EPB41L1: variants seen among roughly 807,000 people sequenced by gnomAD.
The protein encoded by EPB41L1 is erythrocyte membrane protein band 4.1 like 1.
Under a neutral mutation model 97.8 loss-of-function variants are expected in EPB41L1, and 29 were observed. That is an observed-to-expected ratio of 0.30 (90% CI 0.22 to 0.40). The LOEUF is 0.40. EPB41L1 is among the 10% of genes least tolerant of loss of function. EPB41L1 has a pLI of 1.00. For synonymous variants in EPB41L1, 383 were observed against 459.2 expected (o/e 0.83, Z 2.12); for missense variants, 812 against 1,162.3 (o/e 0.70, Z 4.38).
chr20:36,188,221 A>G (rs2061766247), intron 8 of EPB41L1, 126 bp from the exon 9 acceptor site: 1 of 1,273,982 alleles, frequency 7.8e-7, no homozygotes, highest in Admixed American at 1.7e-5. Flanking sequence ...TCCAGCATGG[A>G]GGCTCTAACC....
chr20:36,116,173 A>G (rs1191388362), intron 2 of EPB41L1, among the ~76,000 whole-genome samples: 2 of 152,200 alleles, frequency 1.3e-5, no homozygotes, highest in Non-Finnish European at 2.9e-5. Flanking sequence ...TGGAGTTTAG[A>G]GGAGAGAGGT....
intron 1 of EPB41L1, among the ~76,000 whole-genome samples, chr20:36,109,029 C>T (rs2058297405): frequency 6.6e-6 from 1 of 151,846 alleles, no homozygotes. Context: ...CTGCAAGCTC[C>T]GCCTCCTGGA....
intron 14 of EPB41L1, among the ~76,000 whole-genome samples, chr20:36,200,595 G>A (rs977493631): frequency 6.6e-6 from 1 of 152,172 alleles, no homozygotes; most frequent in Admixed American, 6.5e-5. Flanking sequence ...GAATGAGAGT[G>A]GGCAGGCCAT....
intron 1 of EPB41L1, among the ~76,000 whole-genome samples, chr20:36,106,541 C>G (rs1281792404): frequency 1.3e-5 from 2 of 152,220 alleles, no homozygotes; most frequent in Non-Finnish European, 2.9e-5. Flanking sequence ...GTGAAGGACA[C>G]TGGGTACTCA....
chr20:36,097,782 A>G (rs1196832607), intron 1 of EPB41L1, among the ~76,000 whole-genome samples: 2 of 152,222 alleles, frequency 1.3e-5, no homozygotes, highest in African/African-American at 4.8e-5. Flanking sequence ...ATAGTTCCAC[A>G]TGGTTGGAAT....
chr20:36,181,907 T>G (rs2061485546), intron 5 of EPB41L1, among the ~76,000 whole-genome samples: 2 of 152,194 alleles, frequency 1.3e-5, no homozygotes, highest in Non-Finnish European at 2.9e-5. Flanking sequence ...CTTGGGCTAA[T>G]TTACTGCCTG....
chr20:36,211,027 C>G (rs938942183), intron 15 of EPB41L1, among the ~76,000 whole-genome samples: 1 of 151,990 alleles, frequency 6.6e-6, no homozygotes, highest in African/African-American at 2.4e-5. Context: ...GAGCTTTGAT[C>G]GTGCCACTGC....
At chr20:36,157,424 G>A (rs2060353196) in intron 1 of EPB41L1, among the ~76,000 whole-genome samples, 1 of 152,254 alleles carries the variant, frequency 6.6e-6, no homozygotes, top group South Asian at 2.1e-4. Context: ...GAGGCTCAGA[G>A]AGGTTATGTC....
chr20:36,182,288 T>C lies in EPB41L1; in HGVS notation c.507T>C (p.Phe169=). 6.2e-7 allele frequency: 1 copy of C among 1,614,118 alleles called. No homozygotes were observed. The highest frequency in any genetic ancestry group is 8.5e-7 in the Non-Finnish European group (1 of 1,179,956). ...TCCTCTCAGGTAGCCCCTGGAATTT[T>C]GCCTTCACAGTCAAGTTCTACCCGC... ...KKQIRSSPWN[F]AFTVKFYPPD... The change falls in exon 6 of 22, where the codon TTT becomes TTC. Residue 169 remains phenylalanine, a synonymous_variant. Coordinates refer to ENST00000338074, the MANE Select transcript of EPB41L1 (RefSeq NM_012156.2).
intron 2 of EPB41L1, among the ~76,000 whole-genome samples, chr20:36,113,508 C>A (rs138372246): frequency 6.8e-6 from 1 of 147,642 alleles, no homozygotes; most frequent in Non-Finnish European, 1.5e-5. Context: ...TGAAGTGTGG[C>A]TGAGCCAGGC....
intron 16 of EPB41L1, among the ~76,000 whole-genome samples, chr20:36,213,028 GC>G (rs946049267): frequency 1.3e-5 from 2 of 152,104 alleles, no homozygotes; most frequent in Non-Finnish European, 2.9e-5. Context: ...TCTGATAGAT[GC>G]CCTCCTGGTT....
chr20:36,148,831 C>G (rs1043826203), intron 2 of EPB41L1: 1 of 152,316 alleles, frequency 6.6e-6, no homozygotes, highest in African/African-American at 2.4e-5. Flanking sequence ...GACAGTCTTA[C>G]TGGAGACGTT....
At chr20:36,227,889 C>A (rs372917226) in intron 21 of EPB41L1, among the ~76,000 whole-genome samples, 19 of 152,330 alleles carry the variant, frequency 1.2e-4, no homozygotes, top group Middle Eastern at 6.8e-3. Flanking sequence ...ACTGGCCCAC[C>A]TCCTTCAGAG....
intron 1 of EPB41L1, among the ~76,000 whole-genome samples, chr20:36,097,236 T>C (rs1307523654): frequency 1.3e-5 from 2 of 152,210 alleles, no homozygotes; most frequent in Non-Finnish European, 2.9e-5. Context: ...ATGAAGGTAT[T>C]GGGATGGGTG....
intron 2 of EPB41L1, among the ~76,000 whole-genome samples, chr20:36,137,076 CTTTT>C (rs35231525): frequency 3.8e-5 from 5 of 132,900 alleles, no homozygotes; most frequent in Admixed American, 1.5e-4. Context: ...CTTTCCTTTC[CTTTT>C]TTTTTTTTTT....
chr20:36,114,155 C>T (rs1206947349), intron 2 of EPB41L1, among the ~76,000 whole-genome samples: 1 of 152,194 alleles, frequency 6.6e-6, no homozygotes, highest in African/African-American at 2.4e-5. Context: ...TGCAGATGAA[C>T]ACATCCGCCC....
In EPB41L1 at chr20:36,173,964, C is replaced by G; in HGVS notation, c.177+10C>G. On this transcript the variant is annotated intron_variant, in intron 2 of 21. Transcript: ENST00000338074. ...GCGGCCTGCTGAACAGGTGTGTGCC[C>G]GAGAGCATGGGCGTACCTTTCCTGC... is the stretch of plus-strand genomic sequence containing the variant. 1 of 1,609,008 alleles carries G rather than the reference C, an allele frequency of 6.2e-7. No individual in the cohort carries two copies. The highest frequency in any genetic ancestry group is 8.5e-7 in the Non-Finnish European group (1 of 1,177,720).
chr20:36,182,155 G>A, intron 5 of EPB41L1, 117 bp from the exon 6 acceptor site: 3 of 884,814 alleles, frequency 3.4e-6, no homozygotes, highest in Non-Finnish European at 5.7e-6. Context: ...CTTCCTGATT[G>A]GATTGTCCTG....
At chr20:36,141,614 G>C (rs2059642571) in intron 2 of EPB41L1, among the ~76,000 whole-genome samples, 1 of 152,226 alleles carries the variant, frequency 6.6e-6, no homozygotes, top group East Asian at 1.9e-4. Flanking sequence ...GTTCAGGCCA[G>C]AAGCTTTGAG....
Sources: allele counts gnomAD v4.1 joint callset (sites outside exome capture counted in the v4.1 genomes callset), GRCh38; gene constraint gnomAD v4.1.1; transcripts MANE v1.5; gene names NCBI Gene and HGNC (gene_info 2026-07-23, HGNC 2026-07-21).